The following ANO3 variants were observed in gnomAD, a reference collection of about 807,000 sequenced individuals.
The protein encoded by ANO3 is anoctamin-3.
In ANO3, 99 loss-of-function variants were observed where a neutral mutation model predicts 144.8. The observed-to-expected ratio is 0.68, with a 90% CI of 0.58 to 0.81. ANO3 has a LOEUF of 0.81. Ranked by LOEUF, ANO3 falls within the 30% of genes least tolerant of loss-of-function variation. ANO3 has a pLI of 0.00. For synonymous variants in ANO3, 414 were observed against 392.6 expected, an observed-to-expected ratio of 1.05 and a Z score of -0.64; for missense variants, 905 against 1,202.2, an observed-to-expected ratio of 0.75 and a Z score of 3.66.
At chr11:26,300,315 C>A (rs1255033460) in intron 1 of ANO3, among the ~76,000 whole-genome samples, 1 of 152,056 alleles carries the variant, frequency 6.6e-6, no homozygotes, top group Non-Finnish European at 1.5e-5. Flanking sequence ...TACATCTTTC[C>A]TATGCAATTT....
intron 1 of ANO3, among the ~76,000 whole-genome samples, chr11:26,345,208 A>G (rs1855468376): frequency 6.6e-6 from 1 of 152,132 alleles, no homozygotes; most frequent in Non-Finnish European, 1.5e-5. Flanking sequence ...AATTGTGACA[A>G]TCAAAGCATT....
intron 1 of ANO3, among the ~76,000 whole-genome samples, chr11:26,213,834 A>G (rs1459585912): frequency 6.6e-6 from 1 of 152,064 alleles, no homozygotes; most frequent in African/African-American, 2.4e-5. Context: ...TTTGTGTGCA[A>G]ATTAGTAAAG....
intron 1 of ANO3, among the ~76,000 whole-genome samples, chr11:26,386,573 G>T (rs1287687634): frequency 6.6e-6 from 1 of 152,148 alleles, no homozygotes; most frequent in African/African-American, 2.4e-5. Flanking sequence ...TGTTGCAATG[G>T]GTTGACGTCC....
chr11:26,535,091 C>T (rs1477910976), intron 9 of ANO3, among the ~76,000 whole-genome samples: 1 of 152,064 alleles, frequency 6.6e-6, no homozygotes, highest in Non-Finnish European at 1.5e-5. Context: ...GTTATGAGTT[C>T]GTTATTTATC....
At chr11:26,354,820 A>G (rs1458930477) in intron 1 of ANO3, among the ~76,000 whole-genome samples, 2 of 152,120 alleles carry the variant, frequency 1.3e-5, no homozygotes, top group African/African-American at 2.4e-5. Context: ...TGTTTAATGT[A>G]TAGTCAAATA....
chr11:26,630,555 A>C (rs1053958010), intron 18 of ANO3, among the ~76,000 whole-genome samples: 4 of 65,498 alleles, frequency 6.1e-5, no homozygotes, highest in Non-Finnish European at 1.7e-4. Flanking sequence ...TTATTATCAC[A>C]CAGTTTTATA....
At chr11:26,196,486 C>G (rs1018470832) in intron 1 of ANO3, among the ~76,000 whole-genome samples, 1 of 152,044 alleles carries the variant, frequency 6.6e-6, no homozygotes, top group Non-Finnish European at 1.5e-5. Flanking sequence ...TTTCTCAAAG[C>G]AAAAGCATTT....
intron 6 of ANO3, among the ~76,000 whole-genome samples, chr11:26,519,522 C>A (rs893460362): frequency 6.6e-6 from 1 of 152,176 alleles, no homozygotes. Flanking sequence ...AAGCAACAAA[C>A]ATTTACTTGT....
intron 1 of ANO3, among the ~76,000 whole-genome samples, chr11:26,425,867 G>A (rs555106098): frequency 6.6e-6 from 1 of 152,162 alleles, no homozygotes; most frequent in South Asian, 2.1e-4. Flanking sequence ...TAAATGGATG[G>A]TGTTTTAGGA....
intron 4 of ANO3, among the ~76,000 whole-genome samples, chr11:26,503,441 T>C (rs766698827): frequency 5.9e-5 from 9 of 152,142 alleles, no homozygotes; most frequent in Admixed American, 1.3e-4. Context: ...ATTAACATAT[T>C]TGTGAATGGC....
chr11:26,473,203 TG>T (rs1262823509), intron 4 of ANO3, among the ~76,000 whole-genome samples: 5 of 152,014 alleles, frequency 3.3e-5, no homozygotes, highest in Admixed American at 3.3e-4. Flanking sequence ...ATACATTAAG[TG>T]GTTACTTCTT....
chr11:26,504,409 CTGTGGACTAGA>C, intron 4 of ANO3, among the ~76,000 whole-genome samples: 1 of 152,214 alleles, frequency 6.6e-6, no homozygotes, highest in East Asian at 1.9e-4. Context: ...ATGTGTCTGG[CTGTGGACTAGA>C]TGTTTAAAAT....
chr11:26,365,987 TATATATA>T (rs1856067737), intron 1 of ANO3, among the ~76,000 whole-genome samples: 1 of 1,364 alleles, frequency 7.3e-4, no homozygotes, highest in East Asian at 0.062. Flanking sequence ...TATATATATA[TATATATA>T]TATATATATT....
At chr11:26,419,736 G>T (rs991161365) in intron 1 of ANO3, among the ~76,000 whole-genome samples, 1 of 152,034 alleles carries the variant, frequency 6.6e-6, no homozygotes. Context: ...GTATTGTTAA[G>T]AGAACATATA....
intron 1 of ANO3, among the ~76,000 whole-genome samples, chr11:26,203,227 T>C (rs1327342619): frequency 6.6e-6 from 1 of 152,160 alleles, no homozygotes; most frequent in African/African-American, 2.4e-5. Context: ...TTCAAGTTTA[T>C]AAAAGTCACT....
intron 1 of ANO3, among the ~76,000 whole-genome samples, chr11:26,345,358 C>A (rs1434743426): frequency 1.3e-5 from 2 of 152,158 alleles, no homozygotes; most frequent in African/African-American, 4.8e-5. Flanking sequence ...AGTTCAAGAC[C>A]AGCCTGGCCA....
intron 1 of ANO3, among the ~76,000 whole-genome samples, chr11:26,356,048 ATAAAG>A (rs1855774224): frequency 1.3e-5 from 2 of 152,276 alleles, no homozygotes; most frequent in East Asian, 3.9e-4. Flanking sequence ...TCATGCTACT[ATAAAG>A]TAAATGTTAG....
intron 11 of ANO3, 27 bp downstream of exon 11, chr11:26,542,095 AG>A: frequency 6.2e-7 from 1 of 1,602,794 alleles, no homozygotes; most frequent in Non-Finnish European, 8.5e-7. Flanking sequence ...AATAATGAAA[AG>A]CAAAGTATTC....
At chr11:26,385,429 G>A (rs1007434222) in intron 1 of ANO3, among the ~76,000 whole-genome samples, 3 of 152,184 alleles carry the variant, frequency 2.0e-5, no homozygotes, top group African/African-American at 7.2e-5. Flanking sequence ...CTGGACTAAA[G>A]TCAAGATATC....
Sources: allele counts gnomAD v4.1 joint callset (sites outside exome capture counted in the v4.1 genomes callset), GRCh38; gene constraint gnomAD v4.1.1; transcripts MANE v1.5; gene names NCBI Gene and HGNC (gene_info 2026-07-23, HGNC 2026-07-21).